ARIH2: variants seen among roughly 807,000 people sequenced by gnomAD.
ARIH2 encodes the protein E3 ubiquitin-protein ligase ARIH2.
A neutral mutation model predicts 79.8 loss-of-function variants in ARIH2; 12 were observed. The observed-to-expected ratio is 0.15, with a 90% CI of 0.10 to 0.24. ARIH2 has a LOEUF of 0.24. Ranked by LOEUF, ARIH2 falls within the 10% of genes least tolerant of loss-of-function variation. The pLI, the probability that ARIH2 is intolerant of heterozygous loss-of-function variation, is 1.00. For missense variants in ARIH2, 301 were observed against 618.3 expected (o/e 0.49, Z 5.44); for synonymous variants, 224 against 213.9 (o/e 1.05, Z -0.41).
chr3:48,946,622 A>G (rs894996809), intron 3 of ARIH2, among the ~76,000 whole-genome samples: 1 of 152,088 alleles, frequency 6.6e-6, no homozygotes, highest in Non-Finnish European at 1.5e-5. Context: ...TGCAATGGCA[A>G]AACAAAGCCA....
intron 3 of ARIH2, chr3:48,944,853 C>T (rs755297712): frequency 1.3e-5 from 4 of 312,420 alleles, no homozygotes; most frequent in South Asian, 7.8e-5. Context: ...CCTTGTCCCC[C>T]GGACCCAAAT....
intron 9 of ARIH2, 95 bp from the exon 10 acceptor site, chr3:48,974,722 G>A: frequency 7.5e-7 from 1 of 1,324,710 alleles, no homozygotes; most frequent in Admixed American, 1.7e-5. Context: ...CTCACACCAT[G>A]AGCAACTGGG....
At chr3:48,962,417 C>T (rs1185166076) in intron 4 of ARIH2, among the ~76,000 whole-genome samples, 2 of 151,930 alleles carry the variant, frequency 1.3e-5, no homozygotes, top group Non-Finnish European at 1.5e-5. Context: ...CTTTACCACC[C>T]ACCACCTCTA....
chr3:48,949,441 A>G (rs1233669441), intron 3 of ARIH2, among the ~76,000 whole-genome samples: 2 of 152,160 alleles, frequency 1.3e-5, no homozygotes, highest in Non-Finnish European at 2.9e-5. Flanking sequence ...CTGTTTTCCA[A>G]AGTGGCTCTA....
At chr3:48,954,596 T>C (rs890931462) in intron 3 of ARIH2, among the ~76,000 whole-genome samples, 2 of 152,168 alleles carry the variant, frequency 1.3e-5, no homozygotes, top group Non-Finnish European at 2.9e-5. Flanking sequence ...TCTTTACTCA[T>C]GGTTTTGTGA....
Position 48,982,967 on chromosome 3 carries a change from C to T in ARIH2, c.1398C>T (p.Ser466=). 6.2e-7 allele frequency: 1 copy of T among 1,614,132 alleles called. No individual in the cohort carries two copies. The highest frequency in any genetic ancestry group is 8.5e-7 in the Non-Finnish European group (1 of 1,179,988). Residue 466 remains serine, a synonymous_variant, in exon 15 of 16, where the codon AGC becomes AGT. Transcript: ENST00000356401. The part of the protein sequence containing the change: ...NLSWKVERAD[S]YDRGDLENQM... ...CATGGAAAGTGGAGCGTGCAGACAG[C>T]TATGACAGAGGGGTAAGTGCCTACT... is the stretch of plus-strand genomic sequence containing the variant.
At chr3:48,919,182 T>C in intron 1 of ARIH2, 184 bp downstream of exon 1, 1 of 1,298,070 alleles carries the variant, frequency 7.7e-7, no homozygotes, top group Non-Finnish European at 9.8e-7. Flanking sequence ...GCCCAGCGTG[T>C]GTCTGCCTTT....
chr3:48,941,104 A>G (rs1421357448), intron 3 of ARIH2, among the ~76,000 whole-genome samples: 2 of 151,088 alleles, frequency 1.3e-5, no homozygotes, highest in Admixed American at 6.6e-5. Flanking sequence ...CCCAGGAGGC[A>G]GAGCTTGCAG....
intron 8 of ARIH2, among the ~76,000 whole-genome samples, chr3:48,972,556 A>G (rs1478841082): frequency 6.6e-6 from 1 of 152,130 alleles, no homozygotes; most frequent in Admixed American, 6.5e-5. Context: ...AGGCAGGAAA[A>G]TCACTTGAAC....
intron 3 of ARIH2, among the ~76,000 whole-genome samples, chr3:48,948,797 A>G (rs894983424): frequency 6.6e-6 from 1 of 152,224 alleles, no homozygotes; most frequent in African/African-American, 2.4e-5. Flanking sequence ...TTTGAATTAT[A>G]CAATATGTAA....
intron 3 of ARIH2, among the ~76,000 whole-genome samples, chr3:48,945,779 A>G (rs1037410287): frequency 3.9e-5 from 6 of 152,148 alleles, no homozygotes; most frequent in Non-Finnish European, 7.4e-5. Flanking sequence ...TGGACTTGCA[A>G]TTTGTGATCT....
chr3:48,930,856 T>C (rs1487860099), intron 3 of ARIH2, among the ~76,000 whole-genome samples: 1 of 152,184 alleles, frequency 6.6e-6, no homozygotes, highest in Non-Finnish European at 1.5e-5. Context: ...TTCTGTGGCT[T>C]GTAGAAAATG....
At chr3:48,935,535 T>C (rs1273027446) in intron 3 of ARIH2, among the ~76,000 whole-genome samples, 2 of 152,222 alleles carry the variant, frequency 1.3e-5, no homozygotes, top group Non-Finnish European at 2.9e-5. Context: ...TGTTGGGCCT[T>C]GTCCAGAGTC....
At chr3:48,965,037 TG>T in intron 5 of ARIH2, 55 bp downstream of exon 5, 2 of 1,525,846 alleles carry the variant, frequency 1.3e-6, no homozygotes, top group Non-Finnish European at 1.8e-6. Flanking sequence ...GTTCTTGCTT[TG>T]GCTTGCAGTG....
intron 3 of ARIH2, among the ~76,000 whole-genome samples, chr3:48,957,275 T>A (rs2090700835): frequency 6.6e-6 from 1 of 152,272 alleles, no homozygotes; most frequent in Non-Finnish European, 1.5e-5. Flanking sequence ...TCACTGTGGC[T>A]GTTGGTGCTG....
chr3:48,959,640 A>G (rs2091023070), intron 3 of ARIH2, among the ~76,000 whole-genome samples: 1 of 146,362 alleles, frequency 6.8e-6, no homozygotes, highest in Admixed American at 6.8e-5. Flanking sequence ...CGTCTCTACT[A>G]AAAAATACCA....
At chr3:48,973,512 G>A (rs1260578345) in intron 8 of ARIH2, 187 bp from the exon 9 acceptor site, 2 of 451,552 alleles carry the variant, frequency 4.4e-6, no homozygotes, top group East Asian at 4.0e-5. Flanking sequence ...GGGAGGCAGA[G>A]CTTGCAGTGA....
At chr3:48,965,504 C>T (rs1472249771) in intron 5 of ARIH2, among the ~76,000 whole-genome samples, 2 of 152,172 alleles carry the variant, frequency 1.3e-5, no homozygotes, top group African/African-American at 2.4e-5. Flanking sequence ...TGGGCCCTCT[C>T]CAGCCCCACT....
At chr3:48,981,391 T>C (rs572225742) in intron 13 of ARIH2, among the ~76,000 whole-genome samples, 12 of 152,092 alleles carry the variant, frequency 7.9e-5, no homozygotes, top group Non-Finnish European at 1.8e-4. Flanking sequence ...GACTCTGATG[T>C]CCTACTCAAG....
Sources: allele counts gnomAD v4.1 joint callset (sites outside exome capture counted in the v4.1 genomes callset), GRCh38; gene constraint gnomAD v4.1.1; transcripts MANE v1.5; gene names NCBI Gene and HGNC (gene_info 2026-07-23, HGNC 2026-07-21).